The following ZNF226 variants were observed in gnomAD, a reference collection of about 807,000 sequenced individuals.
ZNF226 encodes zinc finger protein 226, also known as Kruppel-associated box protein.
In ZNF226, 6 loss-of-function variants were observed where a neutral mutation model predicts 11.4. The observed-to-expected ratio is 0.53, with a 90% CI of 0.29 to 1.04. The LOEUF (loss-of-function observed/expected upper bound fraction) is 1.04. Ranked by LOEUF, ZNF226 falls within the 50% of genes least tolerant of loss-of-function variation. ZNF226 has a pLI of 0.08. For missense variants in ZNF226, 1,058 were observed against 956.5 expected (o/e 1.11, Z -1.40); for synonymous variants, 350 against 322.8 (o/e 1.08, Z -0.90).
intron 4 of ZNF226, 117 bp from the exon 5 acceptor site, chr19:44,172,743 A>G: frequency 9.0e-6 from 7 of 778,028 alleles, no homozygotes; most frequent in Non-Finnish European, 1.4e-5. Flanking sequence ...CACAATTTAA[A>G]TAAAAGTTTG....
chr19:44,176,572 A>G lies in ZNF226; in HGVS notation c.1310A>G (p.His437Arg). 2 of 1,614,212 alleles carry G rather than the reference A, an allele frequency of 1.2e-6. No individual in the cohort carries two copies. The highest frequency in any genetic ancestry group is 1.7e-6 in the Non-Finnish European group (2 of 1,180,026). Residue 437 changes from histidine to arginine, a missense_variant, in exon 6 of 6, where the codon CAT (histidine) becomes CGT (arginine). Transcript: ENST00000337433. ...ATTTGTAGCTCAAATCTTTACATTC[A>G]TCAGAGAGTCCACACAGGAGAAAAA... is the stretch of plus-strand genomic sequence containing the variant. ...GFICSSNLYI[H>R]QRVHTGEKPY...
At position 44,177,569 on chromosome 19, in the gene ZNF226, T is replaced by G. The variant is rs751572975; in HGVS notation, c.2307T>G (p.Asn769Lys). 2.5e-6 allele frequency: 4 copies of G among 1,613,888 alleles called. No individual in the cohort carries two copies. Among genetic ancestry groups the G allele is most frequent in the Non-Finnish European group, 3.4e-6 (4 of 1,179,906 alleles). Residue 769 changes from asparagine to lysine, a missense_variant, in exon 6 of 6, where the codon AAT (asparagine) becomes AAG (lysine). Physicochemically the swap from Asn to Lys is moderately conservative, Grantham distance 94. Coordinates refer to ENST00000337433, the MANE Select transcript of ZNF226 (RefSeq NM_001032373.2). ...ICGKSFSWRS[N>K]LTVHHRIHVG... ...GTAAGAGCTTCAGTTGGCGATCAAA[T>G]CTTACAGTTCATCACAGAATCCATG...
Position 44,176,830 on chromosome 19 carries a change from T to C in ZNF226, c.1568T>C (p.Val523Ala), listed in dbSNP as rs1568573517. The C allele has an allele frequency of 1.9e-6, 3 of 1,611,474 alleles. No individual in the cohort carries two copies. The Admixed American group carries it at 5.0e-5, about 27-fold the overall frequency. Reference sequence around the variant, plus strand: ...AATTCCCATTATCAAGTTCATCTAGTGGTCCACACAGGAGAGAAACCCTAT... The same window carrying C: ...AATTCCCATTATCAAGTTCATCTAGCGGTCCACACAGGAGAGAAACCCTAT... ...RRNSHYQVHL[V>A]VHTGEKPYKC... Residue 523 changes from valine to alanine, a missense_variant, in exon 6 of 6, where the codon GTG becomes GCG. Physicochemically the swap from Val to Ala is moderately conservative, Grantham distance 64 (BLOSUM62 0). Coordinates refer to ENST00000337433, the MANE Select transcript of ZNF226 (RefSeq NM_001032373.2).
the ZNF226 span, among the ~76,000 whole-genome samples, chr19:44,192,364 T>C: frequency 5.1e-4 from 77 of 152,120 alleles, no homozygotes; most frequent in African/African-American, 1.7e-3. Flanking sequence ...AGGAGCTGAC[T>C]CCAAAGTTGA....
downstream of ZNF226, among the ~76,000 whole-genome samples, chr19:44,181,029 A>C (rs1417322125): frequency 6.6e-6 from 1 of 152,024 alleles, no homozygotes; most frequent in Non-Finnish European, 1.5e-5. Flanking sequence ...TCTCATCTAC[A>C]CTCAAGATTA....
rs141288574 is a variant in ZNF226, at chr19:44,165,160, C to G, written c.-98+18C>G. 2.6e-5 allele frequency: 4 copies of G among 152,326 alleles called. No homozygotes were observed. The highest frequency in any genetic ancestry group is 3.9e-4 in the East Asian group (2 of 5,180). 9.4% of individuals were successfully genotyped at this position (152,326 alleles called of 1,614,324 possible). A position where few individuals can be genotyped will look rare whatever the true frequency, so the allele number is the denominator to read the frequency against. ...TGATTCAGGTCAGCTTCTCAGGAAC[C>G]TTTCAAACTTCCCCGAAATGCACTT... On this transcript the variant is annotated intron_variant, in intron 1 of 5. Coordinates refer to ENST00000337433, the MANE Select transcript of ZNF226 (RefSeq NM_001032373.2).
At position 44,177,483 on chromosome 19, in the gene ZNF226, C is replaced by T; in HGVS notation, c.2221C>T (p.Gln741Ter). ...TGGTAAAGTCTTCAGTCGGTCTTCA[C>T]AACTACAGTCTCATCAGCGAGTTCA... ...VCGKVFSRSS[Q>*]LQSHQRVHTG... Residue 741 changes from glutamine to a stop codon, truncating the protein, a stop_gained, in exon 6 of 6, where the codon CAA (glutamine) becomes TAA (stop). Transcript: ENST00000337433. LOFTEE classifies it low-confidence loss of function (END_TRUNC). 2 of 1,614,178 alleles carry T rather than the reference C, an allele frequency of 1.2e-6. No individual in the cohort carries two copies. The highest frequency in any genetic ancestry group is 2.2e-5 in the East Asian group (1 of 44,880).
rs377604527 is a variant in ZNF226, at chr19:44,177,665, T to G, written c.2403T>G (p.Ser801=). The stretch of plus-strand genomic sequence containing the variant: ...GAGAATCCACACAGGAAAAAAAATC[T>G]ATAAAATGATTCTTTGTGAAGACTC... ...NIRESTQEKK[S]IK is the part of the protein sequence containing the mutation. Residue 801 remains serine (S), a synonymous_variant, in exon 6 of 6, where the codon TCT becomes TCG. Transcript: ENST00000337433. The G allele has an allele frequency of 6.3e-7, 1 of 1,578,472 alleles. No homozygotes were observed. Among genetic ancestry groups the G allele is most frequent in the Non-Finnish European group, 8.6e-7 (1 of 1,164,278 alleles).
In ZNF226 at chr19:44,176,263, C is replaced by A; in HGVS notation, c.1001C>A (p.Pro334Gln). 6.2e-7 allele frequency: 1 copy of A among 1,614,154 alleles called. No homozygotes were observed. The part of the protein sequence containing the change: ...THQKVHVIEK[P>Q]YKCKQCGKGF... ...CAGAAAGTCCACGTGATAGAGAAAC[C>A]ATACAAATGTAAGCAATGTGGGAAA... Residue 334 changes from proline (P) to glutamine (Q), a missense_variant, in exon 6 of 6, where the codon CCA becomes CAA. Coordinates refer to ENST00000337433, the MANE Select transcript of ZNF226 (RefSeq NM_001032373.2).
At position 44,172,095 on chromosome 19, in the gene ZNF226, T is replaced by A. The variant is rs750677449; in HGVS notation, c.23T>A (p.Val8Glu). Residue 8 changes from valine to glutamate, a missense_variant, in exon 4 of 6, where the codon GTG becomes GAG. Transcript: ENST00000337433. ...CATTTGTTTTTGTCGTAGGAAGCAG[T>A]GACCTTCAAGGACGTGGCTGTGGCC... MNMFKEA[V>E]TFKDVAVAFT... is the part of the protein sequence containing the mutation. The A allele has an allele frequency of 6.2e-7, 1 of 1,611,794 alleles. No homozygotes were observed. The highest frequency in any genetic ancestry group is 8.5e-7 in the Non-Finnish European group (1 of 1,178,480).
At chr19:44,193,838 A>C in the ZNF226 span, among the ~76,000 whole-genome samples, 63 of 152,340 alleles carry the variant, frequency 4.1e-4, no homozygotes, top group Non-Finnish European at 7.3e-4. Flanking sequence ...TCCTTAGTGT[A>C]ATTTGCCAAT....
At chr19:44,173,272 T>C (rs950863687) in intron 5 of ZNF226, 6 of 425,302 alleles carry the variant, frequency 1.4e-5, no homozygotes, top group Non-Finnish European at 2.5e-5. Flanking sequence ...CCCCACTACC[T>C]CTCTAAATAT....
At chr19:44,178,815 A>T (rs1341921173), downstream of ZNF226, among the ~76,000 whole-genome samples, 1 of 152,248 alleles carries the variant, frequency 6.6e-6, no homozygotes, top group Non-Finnish European at 1.5e-5. Context: ...AATTTTTTAT[A>T]TACTACAGTA....
intron 5 of ZNF226, chr19:44,173,205 A>G (rs530572200): frequency 6.2e-5 from 34 of 545,708 alleles, no homozygotes; most frequent in African/African-American, 4.8e-4. Flanking sequence ...CTTATTTTAC[A>G]TAGAGTAAAA....
chr19:44,176,562 C>A lies in ZNF226; in HGVS notation c.1300C>A (p.Leu434Ile), dbSNP rs1970701085. 1 of 1,614,034 alleles carries A rather than the reference C, an allele frequency of 6.2e-7. No individual in the cohort carries two copies. The highest frequency in any genetic ancestry group is 1.3e-5 in the African/African-American group (1 of 74,928). ...TAAGGGCTTCATTTGTAGCTCAAAT[C>A]TTTACATTCATCAGAGAGTCCACAC... ...CGKGFICSSN[L>I]YIHQRVHTGE... The change falls in exon 6 of 6, where the codon CTT (leucine) becomes ATT (isoleucine). Residue 434 changes from leucine (L) to isoleucine (I), a missense_variant. Physicochemically the swap from Leu to Ile is conservative, Grantham distance 5 (BLOSUM62 2). Transcript: ENST00000337433.
At chr19:44,180,988 TCA>T (rs561910607), downstream of ZNF226, among the ~76,000 whole-genome samples, 688 of 152,314 alleles carry the variant, frequency 4.5e-3, 6 homozygotes, top group Non-Finnish European at 7.1e-3. Flanking sequence ...AGTTTACTAC[TCA>T]CAGTGTTTGT....
the ZNF226 span, among the ~76,000 whole-genome samples, chr19:44,185,524 A>G: frequency 6.6e-6 from 1 of 152,158 alleles, no homozygotes; most frequent in African/African-American, 2.4e-5. Flanking sequence ...CTTTTCATGT[A>G]CTTATTGACA....
Position 44,176,179 on chromosome 19 carries a change from A to T in ZNF226, c.917A>T (p.Lys306Ile), listed in dbSNP as rs761790382. The T allele has an allele frequency of 1.1e-5, 18 of 1,614,130 alleles. No individual in the cohort carries two copies. In the Admixed American group the frequency reaches 3.0e-4, roughly 27 times the overall value. The change falls in exon 6 of 6, where the codon AAA becomes ATA. Residue 306 changes from lysine to isoleucine, a missense_variant. Physicochemically the swap from Lys to Ile is moderately radical, Grantham distance 102. Transcript: ENST00000337433. Reference protein sequence around the residue: ...PVHQKVHVGEKLKCDECGKEF... With the variant: ...PVHQKVHVGEILKCDECGKEF... Reference sequence around the variant, plus strand: ...CATCAGAAAGTACATGTGGGAGAAAAACTTAAGTGTGATGAGTGTGGTAAG... The same window carrying T: ...CATCAGAAAGTACATGTGGGAGAAATACTTAAGTGTGATGAGTGTGGTAAG...
the ZNF226 span, among the ~76,000 whole-genome samples, chr19:44,192,302 G>T: frequency 6.6e-6 from 1 of 152,078 alleles, no homozygotes; most frequent in Admixed American, 6.6e-5. Flanking sequence ...GAGAGCGAGC[G>T]AGAGAGCGAG....
Sources: gnomAD v4.1 joint callset for allele counts (sites outside exome capture counted in the v4.1 genomes callset) on GRCh38, gnomAD v4.1.1 for gene constraint, MANE v1.5 for transcripts, NCBI Gene and HGNC (gene_info 2026-07-23, HGNC 2026-07-21) for gene names.